The following CLASP1 variants were observed in gnomAD, a reference collection of about 807,000 sequenced individuals.
The protein encoded by CLASP1 is CLIP-associating protein 1.
CLASP1 carries 38 observed loss-of-function variants against 192.3 expected under a neutral mutation model. That is an observed-to-expected ratio of 0.20 (90% CI 0.15 to 0.26). The LOEUF (loss-of-function observed/expected upper bound fraction) is 0.26, where lower values mean the gene tolerates loss of function less well. Among genes scored for constraint, CLASP1 ranks in the 10% least tolerant of loss-of-function variants. CLASP1 has a pLI of 1.00. For missense variants in CLASP1, 1,433 were observed against 1,932.5 expected (o/e 0.74, Z 4.85); for synonymous variants, 691 against 712.8 (o/e 0.97, Z 0.49).
exon 3 of CLASP1, chr2:121,530,292 G>A (rs866841102): frequency 3.2e-6 from 5 of 1,552,178 alleles, no homozygotes; most frequent in Admixed American, 2.0e-5. Context: ...CGGGTCACCA[G>A]GGCGGACAGG....
Position 121,423,656 on chromosome 2 carries a change from A to T in CLASP1, c.2212+1483T>A, listed in dbSNP as rs2079901803. ...TGCATTTTCCAAACACAAATATGTT[A>T]CAGCATCAGACATAAAATTCAGATA... On this transcript the variant is annotated intron_variant, in intron 22 of 39. Transcript: ENST00000263710. Among the ~76,000 whole-genome samples the T allele has an allele frequency of 2.0e-5, 3 of 152,252 alleles. No homozygotes were observed. In the South Asian group the frequency reaches 6.2e-4, roughly 32 times the overall value.
At chr2:121,402,006 T>C in intron 26 of CLASP1, 136 bp from the exon 28 acceptor site, 2 of 448,314 alleles carry the variant, frequency 4.5e-6, no homozygotes, top group South Asian at 3.3e-5. Flanking sequence ...TATTCTCTCC[T>C]CCATCAATGT....
At chr2:121,491,188 A>C (rs1449126278) in intron 8 of CLASP1, among the ~76,000 whole-genome samples, 3 of 152,244 alleles carry the variant, frequency 2.0e-5, no homozygotes, top group Non-Finnish European at 4.4e-5. Flanking sequence ...ATTTGGCAAC[A>C]AAATGATACC....
rs1438264732 is a variant in CLASP1, at chr2:121,576,649, A to C, written c.195+29052T>G. Reference sequence around the variant, plus strand: ...CTACTGGCTAATATGAGACCCCAAGAATATGCTCAAATGAAATGGAACACC... The same window carrying C: ...CTACTGGCTAATATGAGACCCCAAGCATATGCTCAAATGAAATGGAACACC... On this transcript the variant is annotated intron_variant, in intron 2 of 39. Coordinates refer to ENST00000263710, the Ensembl canonical transcript of CLASP1. Among the ~76,000 whole-genome samples, 3 of 152,188 alleles carry C rather than the reference A, an allele frequency of 2.0e-5. No homozygotes were observed. In the East Asian group the frequency reaches 5.8e-4, roughly 29 times the overall value.
chr2:121,579,634 G>A (rs1196680780), intron 2 of CLASP1, among the ~76,000 whole-genome samples: 2 of 152,116 alleles, frequency 1.3e-5, no homozygotes, highest in East Asian at 3.9e-4. Context: ...CAAAGAACAT[G>A]CTTTAACTCC....
chr2:121,349,352 C>T (rs1186735986), intron 37 of CLASP1, among the ~76,000 whole-genome samples: 1 of 152,194 alleles, frequency 6.6e-6, no homozygotes, highest in East Asian at 1.9e-4. Context: ...CAGGCCCACC[C>T]AGACCTGCTC....
chr2:121,373,026 C>T (rs749926034), intron 34 of CLASP1, among the ~76,000 whole-genome samples: 8 of 152,228 alleles, frequency 5.3e-5, no homozygotes, highest in Non-Finnish European at 1.0e-4. Context: ...GACATAATCT[C>T]TTTTGCACAT....
At chr2:121,540,223 G>T (rs184719386) in intron 2 of CLASP1, among the ~76,000 whole-genome samples, 5 of 152,130 alleles carry the variant, frequency 3.3e-5, no homozygotes, top group Non-Finnish European at 7.3e-5. Flanking sequence ...GAAGTTGTGG[G>T]TTTCATACTA....
intron 8 of CLASP1, among the ~76,000 whole-genome samples, chr2:121,500,166 G>A (rs1005106384): frequency 4.6e-5 from 7 of 152,050 alleles, no homozygotes; most frequent in Non-Finnish European, 1.0e-4. Context: ...AATGGAGAAA[G>A]CAGAGGATGA....
At chr2:121,582,949 C>T (rs905750016) in intron 2 of CLASP1, among the ~76,000 whole-genome samples, 1 of 151,996 alleles carries the variant, frequency 6.6e-6, no homozygotes, top group Non-Finnish European at 1.5e-5. Flanking sequence ...CCACACCTGG[C>T]TAATTTTTGT....
intron 8 of CLASP1, among the ~76,000 whole-genome samples, chr2:121,497,050 T>C (rs2150195960): frequency 6.7e-6 from 1 of 150,016 alleles, no homozygotes; most frequent in Middle Eastern, 4.0e-3. Context: ...GAGATTAGAC[T>C]GGTAGTTACC....
chr2:121,450,495 A>G (rs2085261130), intron 16 of CLASP1, among the ~76,000 whole-genome samples: 1 of 152,188 alleles, frequency 6.6e-6, no homozygotes, highest in Non-Finnish European at 1.5e-5. Context: ...TCCCCTTAAT[A>G]TGATTCACAC....
intron 1 of CLASP1, among the ~76,000 whole-genome samples, chr2:121,646,784 T>A (rs1026765111): frequency 2.0e-5 from 3 of 152,102 alleles, no homozygotes; most frequent in Non-Finnish European, 4.4e-5. Context: ...ACGCCTGTAA[T>A]CCCAGCACTT....
intron 1 of CLASP1, among the ~76,000 whole-genome samples, chr2:121,623,555 C>G (rs1417602059): frequency 6.6e-6 from 1 of 152,196 alleles, no homozygotes; most frequent in East Asian, 1.9e-4. Flanking sequence ...ATAGGATAAA[C>G]TGGAAAGTAA....
At chr2:121,441,265 G>T (rs988629226) in intron 19 of CLASP1, among the ~76,000 whole-genome samples, 1 of 152,170 alleles carries the variant, frequency 6.6e-6, no homozygotes. Context: ...GTAAGTCTCT[G>T]TTCTCATCAC....
intron 2 of CLASP1, among the ~76,000 whole-genome samples, chr2:121,576,835 A>C (rs887652222): frequency 3.3e-5 from 5 of 152,222 alleles, no homozygotes; most frequent in African/African-American, 1.2e-4. Flanking sequence ...AACTAGTTGA[A>C]GAGGCAAAGT....
At chr2:121,376,620 C>G (rs1385091562) in intron 34 of CLASP1, among the ~76,000 whole-genome samples, 1 of 152,102 alleles carries the variant, frequency 6.6e-6, no homozygotes, top group Non-Finnish European at 1.5e-5. Flanking sequence ...TAGCAGGAGT[C>G]CCTAATCCCC....
At chr2:121,493,167 A>G (rs1265683418) in intron 8 of CLASP1, among the ~76,000 whole-genome samples, 1 of 152,236 alleles carries the variant, frequency 6.6e-6, no homozygotes, top group African/African-American at 2.4e-5. Context: ...CGGAACCACA[A>G]AAGACTCAGA....
At chr2:121,641,173 A>T (rs1249407112) in intron 1 of CLASP1, among the ~76,000 whole-genome samples, 4 of 152,252 alleles carry the variant, frequency 2.6e-5, no homozygotes, top group Admixed American at 2.6e-4. Context: ...CATTTTCTCT[A>T]TACAACAGGC....
Sources: gnomAD v4.1 joint callset for allele counts (sites outside exome capture counted in the v4.1 genomes callset) on GRCh38, gnomAD v4.1.1 for gene constraint, MANE v1.5 for transcripts, NCBI Gene and HGNC (gene_info 2026-07-23, HGNC 2026-07-21) for gene names.